Variants in GLB1 observed in about 807,000 individuals in gnomAD.
The protein encoded by GLB1 is beta-galactosidase.
A neutral mutation model predicts 74.0 loss-of-function variants in GLB1; 56 were observed. That is an observed-to-expected ratio of 0.76 (90% confidence interval 0.61 to 0.94). The LOEUF (loss-of-function observed/expected upper bound fraction) is 0.94. Among genes scored for constraint, GLB1 ranks in the 40% least tolerant of loss-of-function variants. GLB1 has a pLI of 0.00. For synonymous variants in GLB1, 323 were observed against 323.6 expected (o/e 1.00, Z 0.02); for missense variants, 787 against 845.5 (o/e 0.93, Z 0.86).
downstream of GLB1, among the ~76,000 whole-genome samples, chr3:32,995,274 C>G (rs1268615192): frequency 6.6e-6 from 1 of 152,026 alleles, no homozygotes; most frequent in East Asian, 1.9e-4. Flanking sequence ...TGCAATTCAC[C>G]AATGTACATA....
At chr3:33,021,866 T>C (rs966981524) in intron 11 of GLB1, among the ~76,000 whole-genome samples, 6 of 152,214 alleles carry the variant, frequency 3.9e-5, no homozygotes, top group Admixed American at 3.3e-4. Flanking sequence ...TGAATGATAG[T>C]AGTCTTAAAA....
chr3:33,068,908 T>C lies in GLB1; in HGVS notation c.308A>G (p.Asp103Gly). The C allele has an allele frequency of 6.2e-7, 1 of 1,614,070 alleles. No homozygotes were observed. Among genetic ancestry groups the C allele is most frequent in the Non-Finnish European group, 8.5e-7 (1 of 1,180,016 alleles). ...AGCCAGCCGAAGAAAATATTCCACATCATGGTCCTCAGAAAACTGGTACTG... is the reference window on the plus strand; with the variant it reads ...AGCCAGCCGAAGAAAATATTCCACACCATGGTCCTCAGAAAACTGGTACTG... ...PGQYQFSEDH[D>G]VEYFLRLAHE... The change falls in exon 3 of 16, where the codon GAT becomes GGT. Residue 103 changes from aspartate (D) to glycine (G), a missense_variant. Asp to Gly is a moderately conservative substitution (Grantham distance 94). Coordinates refer to ENST00000307363, the MANE Select transcript of GLB1 (RefSeq NM_000404.4).
intron 7 of GLB1, chr3:33,052,935 A>C (rs1049281753): frequency 3.2e-5 from 6 of 188,276 alleles, no homozygotes; most frequent in Non-Finnish European, 6.7e-5. Context: ...CTGTTTTATA[A>C]ATCAGGCTTG....
chr3:33,021,485 C>T, intron 12 of GLB1, 81 bp downstream of exon 12: 2 of 1,485,698 alleles, frequency 1.3e-6, no homozygotes, highest in Non-Finnish European at 1.8e-6. Flanking sequence ...CCCCTGAATT[C>T]AGAATGGGCA....
the GLB1 span, among the ~76,000 whole-genome samples, chr3:32,973,620 AC>A: frequency 1.3e-5 from 2 of 152,072 alleles, no homozygotes; most frequent in African/African-American, 2.4e-5. Flanking sequence ...TGCTGGGATT[AC>A]AGGCATGAGC....
At position 32,996,872 on chromosome 3, in the gene GLB1, G is replaced by T; in HGVS notation, c.*173C>A. The T allele has an allele frequency of 8.6e-7, 1 of 1,166,266 alleles. No individual in the cohort carries two copies. The highest frequency in any genetic ancestry group is 1.2e-6 in the Non-Finnish European group (1 of 823,954). 72.2% of individuals were successfully genotyped at this position (1,166,266 alleles called of 1,614,324 possible). On this transcript the variant is annotated 3_prime_UTR_variant, in exon 16 of 16. Transcript: ENST00000307363. ...GTCAGCCCCTCACACATTCCAGGTGGTCCCTGAAGGTGGGGCTTTGGCACT... is the reference window on the plus strand; with the variant it reads ...GTCAGCCCCTCACACATTCCAGGTGTTCCCTGAAGGTGGGGCTTTGGCACT...
At position 33,018,425 on chromosome 3, in the gene GLB1, C is replaced by T. The variant is rs370880835; in HGVS notation, c.1347+23G>A. ...TCCCCACCCTCACTGGGACAAAACG[C>T]ACAGTTCAGAGACGATTCTTACCCC... On this transcript the variant is annotated intron_variant, in intron 13 of 15. Transcript: ENST00000307363. 1.3e-4 allele frequency: 211 copies of T among 1,610,538 alleles called. 2 individuals carry two copies. In the South Asian group the frequency reaches 2.2e-3, roughly 17 times the overall value.
At chr3:33,021,545 G>A (rs571161854) in intron 12 of GLB1, 21 bp downstream of exon 12, 1 of 1,611,260 alleles carries the variant, frequency 6.2e-7, no homozygotes, top group Admixed American at 1.7e-5. Flanking sequence ...AAAAGGCGAG[G>A]CATTACCTTT....
chr3:33,094,534 G>A (rs1000505969), intron 1 of GLB1, among the ~76,000 whole-genome samples: 1 of 152,214 alleles, frequency 6.6e-6, no homozygotes, highest in African/African-American at 2.4e-5. Context: ...TTTCTCTACA[G>A]TAAGCATGTA....
intron 15 of GLB1, among the ~76,000 whole-genome samples, chr3:33,007,501 A>G (rs955472915): frequency 1.3e-5 from 2 of 152,208 alleles, no homozygotes; most frequent in Admixed American, 6.5e-5. Context: ...TCATTAGCCT[A>G]ATGTTTTCAA....
intron 5 of GLB1, among the ~76,000 whole-genome samples, chr3:33,061,285 G>T (rs932336884): frequency 6.6e-6 from 1 of 152,138 alleles, no homozygotes; most frequent in African/African-American, 2.4e-5. Context: ...ATGATGGCAG[G>T]TGCCTGTAAT....
At chr3:33,018,424 G>A (rs1308549404) in intron 13 of GLB1, 24 bp downstream of exon 13, 7 of 1,574,278 alleles carry the variant, frequency 4.4e-6, no homozygotes, top group African/African-American at 4.2e-5. Flanking sequence ...GGGACAAAAC[G>A]CACAGTTCAG....
intron 12 of GLB1, 27 bp from the exon 13 acceptor site, chr3:33,018,588 TACATCA>T (rs1487546740): frequency 6.2e-7 from 1 of 1,610,616 alleles, no homozygotes; most frequent in Admixed American, 1.7e-5. Context: ...TTAAGAAAAA[TACATCA>T]CTATTGCCAT....
intron 1 of GLB1, among the ~76,000 whole-genome samples, chr3:33,083,076 TG>T (rs1187921755): frequency 1.3e-5 from 2 of 152,070 alleles, no homozygotes; most frequent in Non-Finnish European, 2.9e-5. Context: ...CTCTGAGCTG[TG>T]GAACTACTGA....
intron 10 of GLB1, chr3:33,029,924 C>G (rs1697933625): frequency 6.8e-6 from 1 of 146,046 alleles, no homozygotes; most frequent in Non-Finnish European, 1.5e-5. Context: ...ACACAACAAT[C>G]TTGCACATGT....
intron 5 of GLB1, among the ~76,000 whole-genome samples, chr3:33,064,776 C>CAAAAAAAAAAAAA (rs36181668): frequency 6.2e-5 from 4 of 64,558 alleles, no homozygotes; most frequent in Non-Finnish European, 1.1e-4. Context: ...GACTCTCTCT[C>CAAAAAAAAAAAAA]AAAAAAAAAA....
chr3:33,072,396 C>T (rs1559411573), intron 2 of GLB1, 148 bp downstream of exon 2: 15 of 1,228,718 alleles, frequency 1.2e-5, no homozygotes, highest in Admixed American at 4.2e-5. Context: ...AGGGCCAGTC[C>T]GGCTCATGAC....
rs1472906018 is a variant in GLB1 at position 33,092,305 on chromosome 3, A to AT, written c.75+4705dup. 11 of 987,016 alleles carry AT rather than the reference A, an allele frequency of 1.1e-5. No homozygotes were observed. The East Asian group carries it at 1.1e-3, about 102-fold the overall frequency. 61.1% of individuals were successfully genotyped at this position (987,016 alleles called of 1,614,324 possible). ...CCTGATAGAATCAGAGGAAAAGAAAATATTCTTCTCTAGCAGCCAGAGGGC... is the reference window on the plus strand; with the variant it reads ...CCTGATAGAATCAGAGGAAAAGAAAATTATTCTTCTCTAGCAGCCAGAGGGC... On this transcript the variant is annotated intron_variant, in intron 1 of 15. Transcript: ENST00000307363.
the GLB1 span, among the ~76,000 whole-genome samples, chr3:32,974,784 G>A: frequency 1.3e-5 from 2 of 152,156 alleles, no homozygotes; most frequent in African/African-American, 2.4e-5. Context: ...TCTTACTTAC[G>A]AAAGGGTCTA....
Sources: gnomAD v4.1 joint callset for allele counts (sites outside exome capture counted in the v4.1 genomes callset) on GRCh38, gnomAD v4.1.1 for gene constraint, MANE v1.5 for transcripts, NCBI Gene and HGNC (gene_info 2026-07-23, HGNC 2026-07-21) for gene names.